The following MAGI1 variants were observed in gnomAD, a reference collection of about 807,000 sequenced individuals.
MAGI1 encodes membrane associated guanylate kinase, WW and PDZ domain containing 1.
In MAGI1, 58 loss-of-function variants were observed where a neutral mutation model predicts 139.9. The observed-to-expected ratio is 0.41, with a 90% confidence interval of 0.34 to 0.52. The LOEUF is 0.52. Ranked by LOEUF, MAGI1 falls within the 20% of genes least tolerant of loss-of-function variation. The pLI is 0.12. For synonymous variants in MAGI1, 812 were observed against 737.9 expected (o/e 1.10, Z -1.63); for missense variants, 1,874 against 1,901.6 (o/e 0.99, Z 0.27).
intron 1 of MAGI1, among the ~76,000 whole-genome samples, chr3:65,809,599 G>C (rs1175222548): frequency 6.6e-6 from 1 of 152,136 alleles, no homozygotes; most frequent in Non-Finnish European, 1.5e-5. Context: ...AAAACTTTCA[G>C]CTGTGATGGA....
chr3:65,548,411 G>A (rs2079606726), intron 2 of MAGI1, among the ~76,000 whole-genome samples: 2 of 151,936 alleles, frequency 1.3e-5, no homozygotes, highest in African/African-American at 2.4e-5. Flanking sequence ...AGGGCCAGGG[G>A]AGAAAAGTGG....
At chr3:65,408,276 G>A (rs1350615971) in intron 12 of MAGI1, among the ~76,000 whole-genome samples, 1 of 152,106 alleles carries the variant, frequency 6.6e-6, no homozygotes, top group Non-Finnish European at 1.5e-5. Flanking sequence ...CAAACAGAAA[G>A]GTAAAACTTG....
At position 65,450,891 on chromosome 3, in the gene MAGI1, T is replaced by C. The variant is rs111963889; in HGVS notation, c.1042+2367A>G. On this transcript the variant is annotated intron_variant, in intron 6 of 22. Coordinates refer to ENST00000402939, the MANE Select transcript of MAGI1 (RefSeq NM_001033057.2). Reference sequence around the variant, plus strand: ...ACCAATATGTTTTTCTGCTTTGTGTTATAAATAATAACAAGGCAGCTTTGC... The same window carrying C: ...ACCAATATGTTTTTCTGCTTTGTGTCATAAATAATAACAAGGCAGCTTTGC... Among the ~76,000 whole-genome samples, 181 of 152,322 alleles carry C rather than the reference T, an allele frequency of 1.2e-3. 1 individual carries two copies. Among genetic ancestry groups the C allele is most frequent in the African/African-American group, 4.2e-3 (174 of 41,560 alleles).
intron 1 of MAGI1, among the ~76,000 whole-genome samples, chr3:65,973,869 T>C (rs931308745): frequency 3.9e-5 from 6 of 152,204 alleles, no homozygotes; most frequent in African/African-American, 1.2e-4. Context: ...GAACAATTCA[T>C]ATAATCAGGG....
At chr3:65,440,761 T>C (rs1948232691) in intron 8 of MAGI1, among the ~76,000 whole-genome samples, 1 of 151,756 alleles carries the variant, frequency 6.6e-6, no homozygotes, top group African/African-American at 2.4e-5. Flanking sequence ...ATCCAAACAC[T>C]TAGATGGCTA....
At chr3:65,565,002 G>A (rs370245221) in intron 2 of MAGI1, among the ~76,000 whole-genome samples, 4 of 152,120 alleles carry the variant, frequency 2.6e-5, no homozygotes, top group Non-Finnish European at 5.9e-5. Context: ...AAGGCCAGCT[G>A]AACTGCTGAG....
At chr3:65,373,845 T>C (rs1208534582) in intron 18 of MAGI1, among the ~76,000 whole-genome samples, 5 of 152,224 alleles carry the variant, frequency 3.3e-5, no homozygotes, top group African/African-American at 1.2e-4. Flanking sequence ...AGGCCAGTGT[T>C]TTCCTCCACA....
chr3:65,555,007 C>A (rs534699906), intron 2 of MAGI1, among the ~76,000 whole-genome samples: 1 of 152,166 alleles, frequency 6.6e-6, no homozygotes, highest in East Asian at 1.9e-4. Context: ...TAGTTAATAG[C>A]CAATGTTAAT....
At chr3:65,380,532 C>A (rs1208365841) in intron 16 of MAGI1, among the ~76,000 whole-genome samples, 1 of 152,156 alleles carries the variant, frequency 6.6e-6, no homozygotes, top group African/African-American at 2.4e-5. Flanking sequence ...CCACCCCCCA[C>A]CAACCATCAT....
At chr3:65,582,489 G>C (rs1369568295) in intron 2 of MAGI1, among the ~76,000 whole-genome samples, 2 of 152,194 alleles carry the variant, frequency 1.3e-5, no homozygotes, top group Non-Finnish European at 2.9e-5. Context: ...TGCTGCATAA[G>C]CGCTTTACTT....
intron 1 of MAGI1, among the ~76,000 whole-genome samples, chr3:65,999,094 G>A (rs1048247513): frequency 3.9e-5 from 6 of 152,024 alleles, no homozygotes; most frequent in South Asian, 4.2e-4. Context: ...AAGTTCCGGG[G>A]TACATGTGCA....
At chr3:65,497,982 C>T (rs912856422) in intron 2 of MAGI1, among the ~76,000 whole-genome samples, 9 of 152,194 alleles carry the variant, frequency 5.9e-5, no homozygotes, top group African/African-American at 1.9e-4. Context: ...GGTTTCCCAG[C>T]TATCCTCTGA....
At chr3:65,602,077 A>G (rs1489304454) in intron 2 of MAGI1, among the ~76,000 whole-genome samples, 1 of 152,142 alleles carries the variant, frequency 6.6e-6, no homozygotes, top group Non-Finnish European at 1.5e-5. Flanking sequence ...AAGGACAAGT[A>G]AGTAACGATG....
chr3:65,709,048 C>A (rs1402260217), intron 1 of MAGI1, among the ~76,000 whole-genome samples: 4 of 152,174 alleles, frequency 2.6e-5, no homozygotes, highest in African/African-American at 4.8e-5. Context: ...GAGGGACAAG[C>A]CTGCACATCT....
At chr3:65,750,041 G>A (rs1400393518) in intron 1 of MAGI1, among the ~76,000 whole-genome samples, 1 of 151,976 alleles carries the variant, frequency 6.6e-6, no homozygotes, top group African/African-American at 2.4e-5. Context: ...GGTGGCCAAG[G>A]CTCTGGTTAA....
intron 12 of MAGI1, among the ~76,000 whole-genome samples, chr3:65,427,131 T>C (rs1351804995): frequency 6.6e-6 from 1 of 152,028 alleles, no homozygotes; most frequent in African/African-American, 2.4e-5. Flanking sequence ...ATGGGTAACA[T>C]GGAGAAATCA....
At chr3:65,533,917 T>C (rs367942698) in intron 2 of MAGI1, among the ~76,000 whole-genome samples, 2 of 152,218 alleles carry the variant, frequency 1.3e-5, no homozygotes, top group South Asian at 4.1e-4. Flanking sequence ...ATATGGCTTA[T>C]GTAAATTCTA....
At chr3:65,603,969 G>A (rs778061891) in intron 2 of MAGI1, among the ~76,000 whole-genome samples, 4 of 152,070 alleles carry the variant, frequency 2.6e-5, no homozygotes, top group South Asian at 2.1e-4. Context: ...GAATCACCTC[G>A]GAAAGGCCCC....
intron 22 of MAGI1, chr3:65,360,458 T>C (rs1016379328): frequency 3.0e-6 from 3 of 984,774 alleles, no homozygotes; most frequent in Non-Finnish European, 3.6e-6. Context: ...GTAAAGATCA[T>C]TGCTGTCTAC....
Sources: allele counts gnomAD v4.1 joint callset (sites outside exome capture counted in the v4.1 genomes callset), GRCh38; gene constraint gnomAD v4.1.1; transcripts MANE v1.5; gene names NCBI Gene and HGNC (gene_info 2026-07-23, HGNC 2026-07-21).